The following DLGAP2 variants were observed in gnomAD, a reference collection of about 807,000 sequenced individuals.
DLGAP2 encodes the protein disks large-associated protein 2.
A neutral mutation model predicts 100.3 loss-of-function variants in DLGAP2; 26 were observed. That is an observed-to-expected ratio of 0.26 (90% confidence interval 0.19 to 0.36). The LOEUF is 0.36. Among genes scored for constraint, DLGAP2 ranks in the 10% least tolerant of loss-of-function variants. DLGAP2 has a pLI of 1.00. For missense variants in DLGAP2, 1,858 were observed against 1,453.2 expected (o/e 1.28, Z -4.53); for synonymous variants, 886 against 630.1 (o/e 1.41, Z -6.08).
chr8:1,123,901 T>C (rs1796106503), intron 2 of DLGAP2, among the ~76,000 whole-genome samples: 1 of 152,198 alleles, frequency 6.6e-6, no homozygotes, highest in South Asian at 2.1e-4. Flanking sequence ...GAATTTTCTT[T>C]CTTCTGAAAC....
At chr8:1,644,016 C>A (rs71518080) in intron 8 of DLGAP2, among the ~76,000 whole-genome samples, 20 of 22,342 alleles carry the variant, frequency 9.0e-4, no homozygotes, top group African/African-American at 2.0e-3. Context: ...TCACCCTCGA[C>A]CCCGCCGGCC....
chr8:867,121 G>C (rs186659516), intron 1 of DLGAP2, among the ~76,000 whole-genome samples: 2 of 152,346 alleles, frequency 1.3e-5, no homozygotes, highest in East Asian at 1.9e-4. Flanking sequence ...GTCACCGTGG[G>C]CAAAGTGACC....
At chr8:808,827 T>A (rs1269450893) in intron 1 of DLGAP2, among the ~76,000 whole-genome samples, 1 of 152,188 alleles carries the variant, frequency 6.6e-6, no homozygotes, top group East Asian at 1.9e-4. Context: ...GAAATACTTG[T>A]TTAGCCAGTA....
At position 1,286,960 on chromosome 8, in the gene DLGAP2, G is replaced by C. The variant is rs373572173; in HGVS notation, c.106+28077G>C. ...GGCCATCAGCAAGTTATTTTAGGCA[G>C]TTATAAACCTTAGCAAATTATTTTT... is the stretch of plus-strand genomic sequence containing the variant. On this transcript the variant is annotated intron_variant, in intron 3 of 14. Transcript: ENST00000637795. Among the ~76,000 whole-genome samples, 3 of 152,240 alleles carry C rather than the reference G, an allele frequency of 2.0e-5. No individual in the cohort carries two copies. The South Asian group carries it at 6.2e-4, about 32-fold the overall frequency.
intron 3 of DLGAP2, among the ~76,000 whole-genome samples, chr8:1,430,009 T>TATAC (rs1554467331): frequency 3.3e-5 from 2 of 61,374 alleles, no homozygotes; most frequent in Non-Finnish European, 5.9e-5. Flanking sequence ...TATATATACA[T>TATAC]ATATATATAT....
chr8:1,317,612 G>A (rs188245780), intron 3 of DLGAP2, among the ~76,000 whole-genome samples: 2,607 of 130,604 alleles, frequency 0.02, 29 homozygotes, highest in Middle Eastern at 0.049. Flanking sequence ...CGAGTGCAGC[G>A]TCTCTCCAAC....
At chr8:959,971 A>G (rs1415885591) in intron 2 of DLGAP2, among the ~76,000 whole-genome samples, 1 of 152,186 alleles carries the variant, frequency 6.6e-6, no homozygotes, top group East Asian at 1.9e-4. Flanking sequence ...TGCTAGGTAT[A>G]AAACTGAGTA....
chr8:1,671,623 T>C (rs1033444394), intron 10 of DLGAP2, among the ~76,000 whole-genome samples: 5 of 152,330 alleles, frequency 3.3e-5, no homozygotes, highest in Admixed American at 1.3e-4. Flanking sequence ...GGATTCTCAT[T>C]ATAATTACTG....
intron 1 of DLGAP2, among the ~76,000 whole-genome samples, chr8:749,252 A>T (rs1820729733): frequency 6.6e-6 from 1 of 152,224 alleles, no homozygotes; most frequent in Non-Finnish European, 1.5e-5. Flanking sequence ...CGGCCTCCCA[A>T]AGTGCTGTGA....
At chr8:772,846 C>T (rs370913785) in intron 1 of DLGAP2, among the ~76,000 whole-genome samples, 266 of 152,240 alleles carry the variant, frequency 1.7e-3, no homozygotes, top group African/African-American at 6.3e-3. Context: ...GAACGGTGTA[C>T]ATCAGAGGGT....
intron 3 of DLGAP2, among the ~76,000 whole-genome samples, chr8:1,417,371 T>G (rs1796925327): frequency 6.6e-6 from 1 of 152,152 alleles, no homozygotes; most frequent in Non-Finnish European, 1.5e-5. Flanking sequence ...CTAGCAGCAC[T>G]GTCACTGCTT....
At chr8:1,235,397 C>T (rs1260951131) in intron 2 of DLGAP2, among the ~76,000 whole-genome samples, 7 of 141,600 alleles carry the variant, frequency 4.9e-5, no homozygotes, top group East Asian at 2.2e-4. Flanking sequence ...CGTTGTGTCT[C>T]GTTCTCTCTC....
At position 1,443,461 on chromosome 8, in the gene DLGAP2, T is replaced by C. The variant is rs569684656; in HGVS notation, c.107-57905T>C. Among the ~76,000 whole-genome samples, 6 of 152,336 alleles carry C rather than the reference T, an allele frequency of 3.9e-5. No homozygotes were observed. The South Asian group carries it at 1.2e-3, about 32-fold the overall frequency. Reference sequence around the variant, plus strand: ...TTCACTTAATGCTTCATGAATATATTCTCACATCCCTCAGTCTTCTCCTGC... The same window carrying C: ...TTCACTTAATGCTTCATGAATATATCCTCACATCCCTCAGTCTTCTCCTGC... On this transcript the variant is annotated intron_variant, in intron 3 of 14. Transcript: ENST00000637795.
chr8:1,097,263 G>C (rs111798300), intron 2 of DLGAP2, among the ~76,000 whole-genome samples: 292 of 73,938 alleles, frequency 3.9e-3, no homozygotes, highest in Admixed American at 5.6e-3. Flanking sequence ...GTGAGACCCA[G>C]CTCCCTCTGC....
At chr8:1,004,491 G>A (rs895006441) in intron 2 of DLGAP2, among the ~76,000 whole-genome samples, 3 of 152,168 alleles carry the variant, frequency 2.0e-5, no homozygotes, top group Non-Finnish European at 4.4e-5. Flanking sequence ...TCAAAATAGA[G>A]TCGGCCACAA....
At chr8:980,726 C>T (rs974614959) in intron 2 of DLGAP2, among the ~76,000 whole-genome samples, 28 of 152,134 alleles carry the variant, frequency 1.8e-4, no homozygotes, top group African/African-American at 6.0e-4. Context: ...CGGGAGGACA[C>T]GCTGGCTCAG....
chr8:1,125,606 G>T (rs755400658), intron 2 of DLGAP2, among the ~76,000 whole-genome samples: 1 of 152,180 alleles, frequency 6.6e-6, no homozygotes, highest in Admixed American at 6.5e-5. Context: ...CATTATGAAA[G>T]CCAGGTGATT....
At chr8:1,571,623 AGGG>A (rs1441675743) in intron 6 of DLGAP2, among the ~76,000 whole-genome samples, 1 of 75,040 alleles carries the variant, frequency 1.3e-5, no homozygotes, top group African/African-American at 5.4e-5. Flanking sequence ...GAGAGGAGAG[AGGG>A]GGTGAACTAT....
At chr8:1,027,619 T>A (rs1190585771) in intron 2 of DLGAP2, among the ~76,000 whole-genome samples, 3 of 144,024 alleles carry the variant, frequency 2.1e-5, no homozygotes, top group African/African-American at 7.9e-5. Flanking sequence ...CCAGGTGGGG[T>A]GTCAGGCGCC....
Sources: allele counts gnomAD v4.1 joint callset (sites outside exome capture counted in the v4.1 genomes callset), GRCh38; gene constraint gnomAD v4.1.1; transcripts MANE v1.5; gene names NCBI Gene and HGNC (gene_info 2026-07-23, HGNC 2026-07-21).